Variants in SUPT3H observed in about 807,000 individuals in gnomAD.
SUPT3H encodes the protein SPT3 homolog, SAGA and STAGA complex component, also known as transcription initiation protein SPT3 homolog.
SUPT3H carries 44 observed loss-of-function variants against 44.3 expected under a neutral mutation model. The ratio of observed to expected loss-of-function variants is 0.99; its 90% CI spans 0.78 to 1.28. SUPT3H has a LOEUF of 1.28. Ranked by LOEUF, SUPT3H falls within the 50% of genes most tolerant of loss-of-function variation. SUPT3H has a pLI of 0.00. For synonymous variants in SUPT3H, 124 were observed against 125.6 expected (o/e 0.99, Z 0.09); for missense variants, 380 against 387.1 (o/e 0.98, Z 0.15).
intron 2 of SUPT3H, among the ~76,000 whole-genome samples, chr6:45,337,069 T>G (rs1168038945): frequency 6.6e-6 from 1 of 151,624 alleles, no homozygotes; most frequent in Non-Finnish European, 1.5e-5. Context: ...AACAATAATA[T>G]AGTGAGAAGC....
At chr6:45,106,224 G>T (rs1443774737) in intron 2 of SUPT3H, among the ~76,000 whole-genome samples, 3 of 152,160 alleles carry the variant, frequency 2.0e-5, no homozygotes, top group Non-Finnish European at 2.9e-5. Context: ...TTGAGCCCAA[G>T]AGTTCATGAC....
chr6:45,213,938 A>G (rs1308820595), intron 2 of SUPT3H, among the ~76,000 whole-genome samples: 1 of 143,596 alleles, frequency 7.0e-6, no homozygotes, highest in Non-Finnish European at 1.5e-5. Flanking sequence ...AATTTACATA[A>G]TTTACTATTT....
At chr6:45,202,120 G>T (rs1762534734) in intron 2 of SUPT3H, among the ~76,000 whole-genome samples, 1 of 151,666 alleles carries the variant, frequency 6.6e-6, no homozygotes, top group Non-Finnish European at 1.5e-5. Context: ...TTTTCACTTT[G>T]AATATCTTCC....
At chr6:44,900,959 G>A (rs1394480613) in intron 10 of SUPT3H, among the ~76,000 whole-genome samples, 1 of 152,160 alleles carries the variant, frequency 6.6e-6, no homozygotes, top group Non-Finnish European at 1.5e-5. Context: ...GCAGATGAGG[G>A]TCCTGACTGT....
chr6:45,098,413 T>C (rs1275731319), intron 3 of SUPT3H: 4 of 171,166 alleles, frequency 2.3e-5, no homozygotes. Flanking sequence ...TGATGGAACG[T>C]GGCCAGTTTG....
chr6:45,227,315 TCAGA>T (rs1446755852), intron 2 of SUPT3H, among the ~76,000 whole-genome samples: 2 of 152,066 alleles, frequency 1.3e-5, no homozygotes, highest in Non-Finnish European at 2.9e-5. Flanking sequence ...ATATTCTACT[TCAGA>T]CATTTTCAAC....
chr6:44,985,646 T>A (rs1265929149), intron 6 of SUPT3H, among the ~76,000 whole-genome samples: 1 of 152,170 alleles, frequency 6.6e-6, no homozygotes, highest in Non-Finnish European at 1.5e-5. Flanking sequence ...CAAGTACCAG[T>A]ATTACGCAAA....
chr6:45,061,215 C>T (rs1791955956), intron 3 of SUPT3H, among the ~76,000 whole-genome samples: 1 of 152,060 alleles, frequency 6.6e-6, no homozygotes, highest in Non-Finnish European at 1.5e-5. Flanking sequence ...ATCAATTATA[C>T]ACTGGATAAA....
At chr6:45,025,457 G>A (rs1339065431) in intron 3 of SUPT3H, among the ~76,000 whole-genome samples, 1 of 152,184 alleles carries the variant, frequency 6.6e-6, no homozygotes, top group African/African-American at 2.4e-5. Context: ...TCCCCTCCAT[G>A]ATTTTCAGTT....
At position 45,218,966 on chromosome 6, in the gene SUPT3H, A is replaced by G. The variant is rs191638470; in HGVS notation, c.102-112960T>C. On this transcript the variant is annotated intron_variant, in intron 2 of 10. Coordinates refer to ENST00000371459, the MANE Select transcript of SUPT3H (RefSeq NM_003599.4). Reference sequence around the variant, plus strand: ...TTGAATCAAACTATTAATCAATAACAGAAAGATAATGAGAAAATCTCTAAG... The same window carrying G: ...TTGAATCAAACTATTAATCAATAACGGAAAGATAATGAGAAAATCTCTAAG... 1.5e-3 allele frequency among the ~76,000 whole-genome samples: 225 copies of G among 152,330 alleles called. 1 individual carries two copies. Among genetic ancestry groups the G allele is most frequent in the Non-Finnish European group, 2.2e-3 (148 of 68,024 alleles).
intron 5 of SUPT3H, among the ~76,000 whole-genome samples, chr6:45,013,473 C>T (rs556686715): frequency 6.6e-6 from 1 of 152,162 alleles, no homozygotes; most frequent in East Asian, 1.9e-4. Flanking sequence ...GGTGGACCTG[C>T]AATTAACTTC....
chr6:44,900,353 A>C (rs1764779067), intron 10 of SUPT3H, among the ~76,000 whole-genome samples: 1 of 152,242 alleles, frequency 6.6e-6, no homozygotes, highest in Non-Finnish European at 1.5e-5. Context: ...AGCTCTTAGC[A>C]AACGGCACAC....
chr6:45,346,553 T>C (rs1441581492), intron 2 of SUPT3H, among the ~76,000 whole-genome samples: 3 of 147,778 alleles, frequency 2.0e-5, no homozygotes, highest in Non-Finnish European at 4.4e-5. Context: ...ATAATAGGAA[T>C]TCAATAAACA....
At chr6:45,306,174 C>T (rs1456854794) in intron 2 of SUPT3H, among the ~76,000 whole-genome samples, 1 of 152,218 alleles carries the variant, frequency 6.6e-6, no homozygotes, top group African/African-American at 2.4e-5. Context: ...GGCCACATCA[C>T]AGGCAACACA....
downstream of SUPT3H, among the ~76,000 whole-genome samples, chr6:44,821,893 G>A (rs956541671): frequency 6.6e-6 from 1 of 152,096 alleles, no homozygotes; most frequent in African/African-American, 2.4e-5. Flanking sequence ...TTGAGCTTGA[G>A]AATCACTTTT....
Position 45,250,618 on chromosome 6 carries a change from G to A in SUPT3H, c.101+114583C>T, listed in dbSNP as rs548580112. Among the ~76,000 whole-genome samples, 100 of 151,648 alleles carry A rather than the reference G, an allele frequency of 6.6e-4. No homozygotes were observed. In the Middle Eastern group the frequency reaches 0.01, roughly 15 times the overall value. On this transcript the variant is annotated intron_variant, in intron 2 of 10. Coordinates refer to ENST00000371459, the MANE Select transcript of SUPT3H (RefSeq NM_003599.4). Reference sequence around the variant, plus strand: ...GAAAGATGGAAAAACAGAGGAAACAGGAGAAAAAAATTATCAAAGAAATAA... The same window carrying A: ...GAAAGATGGAAAAACAGAGGAAACAAGAGAAAAAAATTATCAAAGAAATAA...
intron 2 of SUPT3H, among the ~76,000 whole-genome samples, chr6:45,306,122 T>C (rs1299823351): frequency 6.6e-6 from 1 of 152,164 alleles, no homozygotes; most frequent in African/African-American, 2.4e-5. Context: ...GCCAGAGCCA[T>C]ACTCCCTCCA....
chr6:45,252,354 C>T (rs1772519622), intron 2 of SUPT3H, among the ~76,000 whole-genome samples: 1 of 152,106 alleles, frequency 6.6e-6, no homozygotes, highest in East Asian at 1.9e-4. Flanking sequence ...TATACTTTTG[C>T]TTCAATATGT....
intron 2 of SUPT3H, among the ~76,000 whole-genome samples, chr6:45,264,182 T>C (rs963676984): frequency 6.6e-6 from 1 of 152,134 alleles, no homozygotes; most frequent in African/African-American, 2.4e-5. Flanking sequence ...ATAAGCATTA[T>C]AAAACAGAAA....
Sources: gnomAD v4.1 joint callset for allele counts (sites outside exome capture counted in the v4.1 genomes callset) on GRCh38, gnomAD v4.1.1 for gene constraint, MANE v1.5 for transcripts, NCBI Gene and HGNC (gene_info 2026-07-23, HGNC 2026-07-21) for gene names.